Variants in STRN4 observed in about 807,000 individuals in gnomAD.
STRN4 encodes the protein striatin-4.
In STRN4, 27 loss-of-function variants were observed where a neutral mutation model predicts 77.9. The ratio of observed to expected loss-of-function variants is 0.35; its 90% CI spans 0.26 to 0.48. The LOEUF is 0.48. Among genes scored for constraint, STRN4 ranks in the 20% least tolerant of loss-of-function variants. The pLI is 0.99. For missense variants in STRN4, 798 were observed against 1,049.7 expected, an observed-to-expected ratio of 0.76 and a Z score of 3.31; for synonymous variants, 466 against 443.1, an observed-to-expected ratio of 1.05 and a Z score of -0.65.
chr19:46,728,072 G>A (rs780733946), intron 7 of STRN4, 65 bp from the exon 8 acceptor site: 182 of 1,448,634 alleles, frequency 1.3e-4, no homozygotes, highest in Non-Finnish European at 1.5e-4. Context: ...CATAGGTGAC[G>A]CCTTCCCCAC....
chr19:46,745,417 G>A (rs2054563937), intron 1 of STRN4, among the ~76,000 whole-genome samples: 1 of 152,112 alleles, frequency 6.6e-6, no homozygotes, highest in Non-Finnish European at 1.5e-5. Flanking sequence ...CTCCTCAGAG[G>A]GGAAGGCACA....
chr19:46,733,300 C>T lies in STRN4; in HGVS notation c.540-64G>A. 1.3e-6 allele frequency: 2 copies of T among 1,512,786 alleles called. No homozygotes were observed. The highest frequency in any genetic ancestry group is 2.2e-4 in the Middle Eastern group (1 of 4,548). The allele number at this position is 1,512,786 out of a possible 1,614,324, so 93.7% of individuals were successfully genotyped here. A position where few individuals can be genotyped will look rare whatever the true frequency, so the allele number is the denominator to read the frequency against. On this transcript the variant is annotated intron_variant, in intron 4 of 17. Transcript: ENST00000263280. This position sits in a 1 kb window ranked among gnomAD's most constrained non-coding sequence, Gnocchi z 4.3. ...GGGCTTCTTCATGTACCACAGGGGCCAATGCAAACCGAGACAACCTCTTAA... is the reference window on the plus strand; with the variant it reads ...GGGCTTCTTCATGTACCACAGGGGCTAATGCAAACCGAGACAACCTCTTAA...
At chr19:46,729,658 A>G (rs1221592808) in intron 6 of STRN4, among the ~76,000 whole-genome samples, 1 of 152,180 alleles carries the variant, frequency 6.6e-6, no homozygotes, top group Non-Finnish European at 1.5e-5. Context: ...GGGGCACACG[A>G]GTGGCAATTG....
At chr19:46,725,148 G>A (rs1465669543) in intron 11 of STRN4, among the ~76,000 whole-genome samples, 184 bp downstream of exon 11, 12 of 148,806 alleles carry the variant, frequency 8.1e-5, no homozygotes, top group Admixed American at 7.4e-4. Context: ...CCAGCTGCCA[G>A]GGCATGTGAA....
At position 46,732,961 on chromosome 19, in the gene STRN4, C is replaced by T. The variant is rs2054285503; in HGVS notation, c.737+78G>A. On this transcript the variant is annotated intron_variant, in intron 5 of 17. Coordinates refer to ENST00000263280, the MANE Select transcript of STRN4 (RefSeq NM_013403.3). ...GGGCCGCCAGGGCACCCAGCGCCAT[C>T]AGCTGACACTCTGACCCTGGCCTTC... The T allele has an allele frequency of 2.0e-6, 3 of 1,515,276 alleles. No homozygotes were observed. In the Admixed American group the frequency reaches 6.0e-5, roughly 31 times the overall value. 93.9% of individuals were successfully genotyped at this position (1,515,276 alleles called of 1,614,324 possible). A position where few individuals can be genotyped will look rare whatever the true frequency, so the allele number is the denominator to read the frequency against.
rs1271778509 is a variant in STRN4 at position 46,733,347 on chromosome 19, C to T, written c.540-111G>A. The T allele has an allele frequency of 4.8e-6, 5 of 1,035,284 alleles. No individual in the cohort carries two copies. Among genetic ancestry groups the T allele is most frequent in the Non-Finnish European group, 7.0e-6 (5 of 711,870 alleles). 64.1% of individuals were successfully genotyped at this position (1,035,284 alleles called of 1,614,324 possible). A position where few individuals can be genotyped will look rare whatever the true frequency, so the allele number is the denominator to read the frequency against. Reference sequence around the variant, plus strand: ...TTAAGGGGCCACTTAAGAGCATACACCAAAATCTGACATAAGCACACCCTC... The same window carrying T: ...TTAAGGGGCCACTTAAGAGCATACATCAAAATCTGACATAAGCACACCCTC... On this transcript the variant is annotated intron_variant, in intron 4 of 17. Coordinates refer to ENST00000263280, the MANE Select transcript of STRN4 (RefSeq NM_013403.3). This position sits in a 1 kb window ranked among gnomAD's most constrained non-coding sequence, Gnocchi z 4.3.
intron 15 of STRN4, 36 bp from the exon 16 acceptor site, chr19:46,722,108 C>G: frequency 2.5e-6 from 4 of 1,610,912 alleles, no homozygotes; most frequent in Non-Finnish European, 3.4e-6. Flanking sequence ...GTTCCCCTCC[C>G]ACTCTGGGCC....
At position 46,733,301 on chromosome 19, in the gene STRN4, A is replaced by G. The variant is rs1461805903; in HGVS notation, c.540-65T>C. 4.6e-6 allele frequency: 7 copies of G among 1,516,744 alleles called. No homozygotes were observed. Among genetic ancestry groups the G allele is most frequent in the Non-Finnish European group, 5.4e-6 (6 of 1,118,948 alleles). The allele number at this position is 1,516,744 out of a possible 1,614,324, so 94.0% of individuals were successfully genotyped here. On this transcript the variant is annotated intron_variant, in intron 4 of 17. Transcript: ENST00000263280. The surrounding 1 kb of genome is among the most constrained non-coding windows in gnomAD (Gnocchi z 4.3). ...GGCTTCTTCATGTACCACAGGGGCC[A>G]ATGCAAACCGAGACAACCTCTTAAG...
rs1568406750 is a variant in STRN4 at position 46,741,963 on chromosome 19, C to T, written c.283-3075G>A. 6.6e-6 allele frequency among the ~76,000 whole-genome samples: 1 copy of T among 152,242 alleles called. No homozygotes were observed. Among genetic ancestry groups the T allele is most frequent in the Admixed American group, 6.5e-5 (1 of 15,286 alleles). On this transcript the variant is annotated intron_variant, in intron 1 of 17. Transcript: ENST00000263280. The surrounding 1 kb of genome is among the most constrained non-coding windows in gnomAD (Gnocchi z 4.9). ...GCACATTCTCTGCTGGCACCGCACT[C>T]ACTGCAGGTCCCTGTCGCTGCTCCT...
chr19:46,731,594 G>A (rs2054255682), intron 5 of STRN4: 1 of 152,686 alleles, frequency 6.5e-6, no homozygotes, highest in African/African-American at 2.4e-5. Context: ...CGGGTGCAGA[G>A]GTCACTGCAG....
At chr19:46,732,978 C>G in intron 5 of STRN4, 61 bp downstream of exon 5, 1 of 1,555,710 alleles carries the variant, frequency 6.4e-7, no homozygotes, top group South Asian at 1.2e-5. Flanking sequence ...CACTCTGACC[C>G]TGGCCTTCAC....
intron 10 of STRN4, 38 bp downstream of exon 10, chr19:46,725,435 G>C (rs768353107): frequency 4.3e-6 from 7 of 1,613,720 alleles, no homozygotes; most frequent in Non-Finnish European, 5.9e-6. Flanking sequence ...CCCGTCCCCA[G>C]ATGCCCCTGC....
At position 46,731,342 on chromosome 19, in the gene STRN4, G is replaced by C. The variant is rs771750224; in HGVS notation, c.738-469C>G. On this transcript the variant is annotated intron_variant, in intron 5 of 17. Coordinates refer to ENST00000263280, the MANE Select transcript of STRN4 (RefSeq NM_013403.3). Reference sequence around the variant, plus strand: ...GGCGCCGAAAGCCAGCCAGCCTCGCGCAAGCAGGGGCGCCGGCGATCCCTG... The same window carrying C: ...GGCGCCGAAAGCCAGCCAGCCTCGCCCAAGCAGGGGCGCCGGCGATCCCTG... 4.0e-4 allele frequency: 68 copies of C among 169,030 alleles called. 1 individual carries two copies. Among genetic ancestry groups the C allele is most frequent in the Non-Finnish European group, 4.7e-4 (36 of 77,248 alleles). 10.5% of individuals were successfully genotyped at this position (169,030 alleles called of 1,614,324 possible). A position where few individuals can be genotyped will look rare whatever the true frequency, so the allele number is the denominator to read the frequency against.
In STRN4 at chr19:46,745,566, T is replaced by C. The variant is rs2122451617; in HGVS notation, c.282+583A>G. 2.0e-5 allele frequency among the ~76,000 whole-genome samples: 3 copies of C among 151,918 alleles called. No individual in the cohort carries two copies. In the South Asian group the frequency reaches 6.3e-4, roughly 32 times the overall value. ...ACTTCCTCTCCCTAAATCCTCCCGG[T>C]TCCCCATCTGGACCCGCTCTTTCCC... On this transcript the variant is annotated intron_variant, in intron 1 of 17. Transcript: ENST00000263280.
In STRN4 at chr19:46,722,279, G is replaced by A. The variant is rs367857149; in HGVS notation, c.1968C>T (p.His656=). Residue 656 remains histidine, a synonymous_variant, in exon 15 of 18, where the codon CAC becomes CAT. Coordinates refer to ENST00000263280, the MANE Select transcript of STRN4 (RefSeq NM_013403.3). ...HPNQPLTITA[H]DDRGIRFLDN... is the part of the protein sequence containing the mutation. ...CCAGGAAGCGGATGCCCCTGTCGTCGTGGGCGGTGATGGTGAGAGGCTGGT... is the reference window on the plus strand; with the variant it reads ...CCAGGAAGCGGATGCCCCTGTCGTCATGGGCGGTGATGGTGAGAGGCTGGT... 38 of 1,614,082 alleles carry A rather than the reference G, an allele frequency of 2.4e-5. No individual in the cohort carries two copies. Among genetic ancestry groups the A allele is most frequent in the African/African-American group, 2.0e-4 (15 of 74,946 alleles).
In STRN4 at chr19:46,733,815, C is replaced by T. The variant is rs1221477685; in HGVS notation, c.540-579G>A. On this transcript the variant is annotated intron_variant, in intron 4 of 17. Transcript: ENST00000263280. This position sits in a 1 kb window ranked among gnomAD's most constrained non-coding sequence, Gnocchi z 4.3. ...GAACTTTTGCAACTTACTCTACTTACTTCTACAAATGAGCACTTATTACTT... is the reference window on the plus strand; with the variant it reads ...GAACTTTTGCAACTTACTCTACTTATTTCTACAAATGAGCACTTATTACTT... The T allele has an allele frequency of 6.6e-6, 1 of 152,298 alleles. No individual in the cohort carries two copies. Among genetic ancestry groups the T allele is most frequent in the Non-Finnish European group, 1.5e-5 (1 of 68,112 alleles). The allele number at this position is 152,298 out of a possible 1,614,324, so 9.4% of individuals were successfully genotyped here.
At chr19:46,724,416 C>T (rs1973354998) in intron 12 of STRN4, among the ~76,000 whole-genome samples, 1 of 152,214 alleles carries the variant, frequency 6.6e-6, no homozygotes, top group African/African-American at 2.4e-5. Context: ...TTTCTCTGGA[C>T]ATGCCCTCCC....
At chr19:46,725,080 G>A (rs913658682) in intron 11 of STRN4, 152 bp from the exon 12 acceptor site, 4 of 1,256,578 alleles carry the variant, frequency 3.2e-6, no homozygotes, top group African/African-American at 3.0e-5. Context: ...CAAGCTGCCT[G>A]TCCCCTGCCC....
chr19:46,727,586 G>A (rs762647888), intron 8 of STRN4, 40 bp from the exon 9 acceptor site: 3 of 1,579,968 alleles, frequency 1.9e-6, no homozygotes, highest in South Asian at 2.2e-5. Context: ...GGGAGGGGAG[G>A]GAGGGGCAGA....
Sources: gnomAD v4.1 joint callset for allele counts (sites outside exome capture counted in the v4.1 genomes callset) on GRCh38, gnomAD v4.1.1 for gene constraint, Gnocchi (gnomAD v3.1) non-coding constraint, MANE v1.5 for transcripts, NCBI Gene and HGNC (gene_info 2026-07-23, HGNC 2026-07-21) for gene names.